CNTNAP2: variants seen among roughly 807,000 people sequenced by gnomAD.
The protein encoded by CNTNAP2 is contactin associated protein 2.
Under a neutral mutation model 155.2 loss-of-function variants are expected in CNTNAP2, and 98 were observed. That is an observed-to-expected ratio of 0.63 (90% CI 0.54 to 0.75). The LOEUF is 0.75. CNTNAP2 is among the 30% of genes least tolerant of loss of function. The pLI is 0.00. For missense variants in CNTNAP2, 1,727 were observed against 1,688.1 expected, an observed-to-expected ratio of 1.02 and a Z score of -0.40; for synonymous variants, 651 against 631.2, an observed-to-expected ratio of 1.03 and a Z score of -0.47.
chr7:146,404,600 C>A (rs1258350082), intron 1 of CNTNAP2, among the ~76,000 whole-genome samples: 1 of 152,048 alleles, frequency 6.6e-6, no homozygotes, highest in African/African-American at 2.4e-5. Context: ...ATAAGTTATC[C>A]ATTGGTCTGA....
At chr7:147,435,111 T>A (rs1797529686) in intron 10 of CNTNAP2, among the ~76,000 whole-genome samples, 2 of 152,172 alleles carry the variant, frequency 1.3e-5, no homozygotes, top group Non-Finnish European at 2.9e-5. Flanking sequence ...AACCCTGCTC[T>A]GGGTAACACA....
chr7:147,092,605 T>C (rs1298840866), intron 4 of CNTNAP2, among the ~76,000 whole-genome samples: 1 of 152,184 alleles, frequency 6.6e-6, no homozygotes, highest in African/African-American at 2.4e-5. Context: ...TATGTTGCAA[T>C]TTTTAAGCAG....
At chr7:147,341,090 G>GTGTGTGTGTA (rs143428303) in intron 9 of CNTNAP2, among the ~76,000 whole-genome samples, 14 of 140,284 alleles carry the variant, frequency 1.0e-4, no homozygotes, top group African/African-American at 3.6e-4. Context: ...GTGTGTGTGT[G>GTGTGTGTGTA]TATATATATA....
At chr7:147,021,389 TA>T (rs535306654) in intron 3 of CNTNAP2, among the ~76,000 whole-genome samples, 369 of 152,288 alleles carry the variant, frequency 2.4e-3, no homozygotes, top group Non-Finnish European at 4.1e-3. Context: ...CATTATTTCA[TA>T]GGTCCAATTA....
At chr7:148,083,225 A>G (rs1381831237) in intron 15 of CNTNAP2, among the ~76,000 whole-genome samples, 1 of 152,144 alleles carries the variant, frequency 6.6e-6, no homozygotes, top group Non-Finnish European at 1.5e-5. Context: ...GCAACATAGG[A>G]AGACGCTCAA....
At chr7:148,214,816 G>T (rs1391978342) in intron 18 of CNTNAP2, among the ~76,000 whole-genome samples, 1 of 152,134 alleles carries the variant, frequency 6.6e-6, no homozygotes, top group Non-Finnish European at 1.5e-5. Context: ...TGATCCGCCA[G>T]CCTCGACCTA....
chr7:148,331,713 G>A (rs1275158136), intron 21 of CNTNAP2, among the ~76,000 whole-genome samples: 35 of 151,272 alleles, frequency 2.3e-4, no homozygotes, highest in Middle Eastern at 3.4e-3. Context: ...TGGATGGAGT[G>A]GACGGATGGA....
At chr7:146,788,659 A>G (rs536984230) in intron 2 of CNTNAP2, among the ~76,000 whole-genome samples, 8 of 152,172 alleles carry the variant, frequency 5.3e-5, no homozygotes, top group African/African-American at 1.9e-4. Flanking sequence ...AGCACTTCTC[A>G]TTGGTCTTCA....
rs3837092 is a variant in CNTNAP2, at chr7:147,300,406, A to AAAAC, written c.1498+121_1498+124dup. On this transcript the variant is annotated intron_variant, in intron 9 of 23. Coordinates refer to ENST00000361727, the MANE Select transcript of CNTNAP2 (RefSeq NM_014141.6). ...CAACTGACTCAGTAGATCTCATGAC[A>AAAAC]AAACAAACTGTAATTCCACTGAGCA... is the stretch of plus-strand genomic sequence containing the variant. 0.7 allele frequency: 757,617 copies of AAAAC among 1,076,966 alleles called. 274,225 individuals carry two copies. The highest frequency in any genetic ancestry group is 0.93 in the African/African-American group (58,854 of 63,170). The allele number at this position is 1,076,966 out of a possible 1,614,324, so 66.7% of individuals were successfully genotyped here.
chr7:148,407,280 A>G (rs1433406937), intron 22 of CNTNAP2, among the ~76,000 whole-genome samples: 2 of 152,224 alleles, frequency 1.3e-5, no homozygotes, highest in African/African-American at 4.8e-5. Flanking sequence ...GATTGGGAAT[A>G]TTAATCCACA....
intron 1 of CNTNAP2, among the ~76,000 whole-genome samples, chr7:146,136,170 T>C (rs1797794304): frequency 6.6e-6 from 1 of 152,132 alleles, no homozygotes; most frequent in African/African-American, 2.4e-5. Flanking sequence ...AAGAAGATGA[T>C]CAGATTGATC....
At chr7:148,331,695 G>A (rs1478524287) in intron 21 of CNTNAP2, among the ~76,000 whole-genome samples, 4 of 149,432 alleles carry the variant, frequency 2.7e-5, no homozygotes, top group East Asian at 2.0e-4. Flanking sequence ...ATGGACGGAT[G>A]GAGTGGATGG....
At position 146,525,570 on chromosome 7, in the gene CNTNAP2, A is replaced by ATCTC. The variant is rs1554443997; in HGVS notation, c.98-248698_98-248697insCTCT. 9.3e-3 allele frequency among the ~76,000 whole-genome samples: 1,302 copies of ATCTC among 140,178 alleles called. 23 individuals carry two copies. The highest frequency in any genetic ancestry group is 0.04 in the African/African-American group (1,260 of 31,454). The allele number at this position is 140,178 out of a possible 152,430, so 92.0% of individuals were successfully genotyped here. ...TATCTATCTATCTATCTATCTATCT[A>ATCTC]TCTATCTCTCTATCTATCATCTATC... On this transcript the variant is annotated intron_variant, in intron 1 of 23. Transcript: ENST00000361727.
intron 1 of CNTNAP2, among the ~76,000 whole-genome samples, chr7:146,587,553 G>A (rs1307666255): frequency 6.6e-6 from 1 of 151,980 alleles, no homozygotes; most frequent in Non-Finnish European, 1.5e-5. Flanking sequence ...CACATATTTG[G>A]AATACCACCA....
rs573128413 is a variant in CNTNAP2, at chr7:148,280,843, T to C, written c.3475+13717T>C. ...CTGAGGCAGGAGAATCGCTTGAACC[T>C]AGGAGACGGAAGTTGCAGTGAGCAG... On this transcript the variant is annotated intron_variant, in intron 21 of 23. Transcript: ENST00000361727. Among the ~76,000 whole-genome samples the C allele has an allele frequency of 1.0e-3, 153 of 151,190 alleles. 2 individuals are homozygous for C. The highest frequency in any genetic ancestry group is 5.9e-3 in the South Asian group (28 of 4,786).
At chr7:147,343,859 C>A (rs1360157122) in intron 9 of CNTNAP2, among the ~76,000 whole-genome samples, 1 of 152,024 alleles carries the variant, frequency 6.6e-6, no homozygotes, top group Non-Finnish European at 1.5e-5. Context: ...AAACTACAGA[C>A]CACAATTTCA....
intron 13 of CNTNAP2, among the ~76,000 whole-genome samples, chr7:147,731,849 C>A (rs1045244503): frequency 6.6e-6 from 1 of 152,080 alleles, no homozygotes; most frequent in Admixed American, 6.6e-5. Flanking sequence ...GAAGTTGATT[C>A]CAACCCTTAT....
intron 12 of CNTNAP2, among the ~76,000 whole-genome samples, chr7:147,589,909 C>T (rs566420603): frequency 2.6e-5 from 4 of 152,058 alleles, no homozygotes; most frequent in African/African-American, 7.2e-5. Flanking sequence ...TCACCAGCAG[C>T]GTGGAAGATC....
intron 22 of CNTNAP2, among the ~76,000 whole-genome samples, chr7:148,397,962 A>G (rs1243189729): frequency 1.3e-5 from 2 of 152,222 alleles, no homozygotes; most frequent in Admixed American, 6.5e-5. Context: ...GAGCTTTTAT[A>G]CTCAGTTCTC....
Sources: allele counts gnomAD v4.1 joint callset (sites outside exome capture counted in the v4.1 genomes callset), GRCh38; gene constraint gnomAD v4.1.1; transcripts MANE v1.5; gene names NCBI Gene and HGNC (gene_info 2026-07-23, HGNC 2026-07-21).